SRRM3: variants seen among roughly 807,000 people sequenced by gnomAD.
SRRM3 encodes the protein serine/arginine repetitive matrix protein 3.
In SRRM3, 27 loss-of-function variants were observed where a neutral mutation model predicts 66.2. The observed-to-expected ratio is 0.41, with a 90% CI of 0.30 to 0.56. The LOEUF is 0.56. Among genes scored for constraint, SRRM3 ranks in the 20% least tolerant of loss-of-function variants. The probability of loss-of-function intolerance (pLI) is 0.32; values close to 1 mark genes in which losing one functional copy is unlikely to be tolerated. For synonymous variants in SRRM3, 391 were observed against 414.9 expected (o/e 0.94, Z 0.70); for missense variants, 918 against 991.9 (o/e 0.93, Z 1.00).
chr7:76,264,884 A>G, intron 9 of SRRM3, 69 bp downstream of exon 9: 1 of 1,498,886 alleles, frequency 6.7e-7, no homozygotes, highest in Non-Finnish European at 9.2e-7. Context: ...TACGCCTTTT[A>G]GAATCACAGA....
At chr7:76,281,397 T>C in intron 11 of SRRM3, 44 bp from the exon 12 acceptor site, 1 of 1,186,072 alleles carries the variant, frequency 8.4e-7, no homozygotes, top group Non-Finnish European at 1.1e-6. Flanking sequence ...CTCTCTCGTC[T>C]CCCTCTCCCC....
intron 1 of SRRM3, among the ~76,000 whole-genome samples, chr7:76,230,183 G>A (rs919401760): frequency 3.3e-5 from 5 of 152,132 alleles, no homozygotes; most frequent in Non-Finnish European, 7.3e-5. Flanking sequence ...AGTCAATAGT[G>A]AACATATTGG....
At chr7:76,237,691 C>T (rs1554605124) in intron 2 of SRRM3, among the ~76,000 whole-genome samples, 3 of 152,088 alleles carry the variant, frequency 2.0e-5, no homozygotes, top group African/African-American at 7.2e-5. Flanking sequence ...CAGGGACAGA[C>T]AAGGTGTTCC....
chr7:76,214,183 T>C (rs145982838), intron 1 of SRRM3, among the ~76,000 whole-genome samples: 19 of 152,230 alleles, frequency 1.2e-4, no homozygotes, highest in African/African-American at 4.6e-4. Flanking sequence ...CCTTTGAGCC[T>C]GGCCTGGGGC....
rs190164444 is a variant in SRRM3 at position 76,224,894 on chromosome 7, G to C, written c.-39-10134G>C. Among the ~76,000 whole-genome samples, 33 of 152,150 alleles carry C rather than the reference G, an allele frequency of 2.2e-4. 1 individual carries two copies. The highest frequency in any genetic ancestry group is 1.6e-3 in the Admixed American group (25 of 15,284). The stretch of plus-strand genomic sequence containing the variant: ...CCCGAGTAAAAAGCACACATCAAAG[G>C]CTCGTCTTGAGACCACATGAGTAAA... On this transcript the variant is annotated intron_variant, in intron 1 of 14. Coordinates refer to ENST00000611745, the MANE Select transcript of SRRM3 (RefSeq NM_001110199.3).
At chr7:76,234,562 G>A (rs1211717031) in intron 1 of SRRM3, among the ~76,000 whole-genome samples, 2 of 152,118 alleles carry the variant, frequency 1.3e-5, no homozygotes, top group African/African-American at 4.8e-5. Flanking sequence ...TGGGAGGTAG[G>A]AACACATGTA....
chr7:76,283,216 G>C, intron 14 of SRRM3, 115 bp downstream of exon 14: 1 of 1,125,016 alleles, frequency 8.9e-7, no homozygotes, highest in Non-Finnish European at 1.1e-6. Context: ...CTGGCACGGG[G>C]ATGGGGGGGG....
rs369917734 is a variant in SRRM3 at position 76,286,273 on chromosome 7, G to T, written c.*430G>T. 3.1e-5 allele frequency: 7 copies of T among 222,726 alleles called. No individual in the cohort carries two copies. In the South Asian group the frequency reaches 6.8e-4, roughly 22 times the overall value. The allele number at this position is 222,726 out of a possible 1,614,324, so 13.8% of individuals were successfully genotyped here. The stretch of plus-strand genomic sequence containing the variant: ...TGCCAGCCCTGGGAGCCCCTCTTCC[G>T]CACTACACAGCTCCCTCCACTCCTC... On this transcript the variant is annotated 3_prime_UTR_variant, in exon 15 of 15. Transcript: ENST00000611745.
intron 1 of SRRM3, among the ~76,000 whole-genome samples, chr7:76,220,020 G>C (rs1238447092): frequency 6.6e-6 from 1 of 152,220 alleles, no homozygotes; most frequent in Non-Finnish European, 1.5e-5. Flanking sequence ...GGCATAGTGA[G>C]AGCAGTGACC....
chr7:76,233,729 G>A (rs1481383896), intron 1 of SRRM3, among the ~76,000 whole-genome samples: 3 of 152,188 alleles, frequency 2.0e-5, no homozygotes, highest in African/African-American at 7.2e-5. Context: ...GAGAGGGGTA[G>A]TGACATCTTC....
chr7:76,263,823 A>C (rs994903273), intron 8 of SRRM3, among the ~76,000 whole-genome samples: 18 of 134,556 alleles, frequency 1.3e-4, no homozygotes, highest in Non-Finnish European at 2.5e-4. Flanking sequence ...CAGTGAGCTG[A>C]GATTGTGCCA....
At chr7:76,243,269 C>T (rs1287173346) in intron 2 of SRRM3, among the ~76,000 whole-genome samples, 2 of 152,142 alleles carry the variant, frequency 1.3e-5, no homozygotes, top group Non-Finnish European at 2.9e-5. Context: ...GACTGTTGGG[C>T]TCCTCTGTCT....
rs1801107434 is a variant in SRRM3 at position 76,235,088 on chromosome 7, G to C, written c.22G>C (p.Gly8Arg). The C allele has an allele frequency of 1.9e-6, 3 of 1,582,908 alleles. No individual in the cohort carries two copies. The highest frequency in any genetic ancestry group is 2.6e-6 in the Non-Finnish European group (3 of 1,169,448). The change falls in exon 2 of 15, where the codon GGG (glycine) becomes CGG (arginine). Residue 8 changes from glycine (G) to arginine (R), a missense_variant. Physicochemically the swap from Gly to Arg is moderately radical, Grantham distance 125 (BLOSUM62 -2). Transcript: ENST00000611745. MSSTVNNGAASMQSTPDA... is the reference protein window; with the variant it reads MSSTVNNRAASMQSTPDA... ...CACGATGTCCTCCACCGTGAACAAC[G>C]GGGCGGCCAGCATGCAGTCCACACC...
At chr7:76,277,730 A>G (rs369734278) in intron 11 of SRRM3, among the ~76,000 whole-genome samples, 42 of 148,602 alleles carry the variant, frequency 2.8e-4, no homozygotes, top group East Asian at 4.0e-4. Context: ...AAAAAAAAAA[A>G]AAAAAGAGAG....
rs577618498 is a variant in SRRM3, at chr7:76,223,521, C to T, written c.-39-11507C>T. 2.9e-4 allele frequency among the ~76,000 whole-genome samples: 44 copies of T among 152,296 alleles called. 1 individual carries two copies. The highest frequency in any genetic ancestry group is 2.2e-3 in the Admixed American group (34 of 15,292). On this transcript the variant is annotated intron_variant, in intron 1 of 14. Coordinates refer to ENST00000611745, the MANE Select transcript of SRRM3 (RefSeq NM_001110199.3). Reference sequence around the variant, plus strand: ...CAGCTTGATAAAGTATCTTGACAAACGATTGTTGCACACACTTATTTTTAA... The same window carrying T: ...CAGCTTGATAAAGTATCTTGACAAATGATTGTTGCACACACTTATTTTTAA...
intron 1 of SRRM3, among the ~76,000 whole-genome samples, chr7:76,221,928 G>A (rs1015417730): frequency 1.3e-5 from 2 of 152,166 alleles, no homozygotes; most frequent in Non-Finnish European, 2.9e-5. Flanking sequence ...CTGTACACAC[G>A]TTATTCCTTT....
intron 12 of SRRM3, 72 bp from the exon 13 acceptor site, chr7:76,282,576 A>AC: frequency 1.6e-4 from 17 of 103,792 alleles, no homozygotes; most frequent in South Asian, 2.3e-4. Context: ...GCCCCGCCCC[A>AC]GGGAACCCTC....
chr7:76,250,874 C>T (rs1345360442), intron 3 of SRRM3, among the ~76,000 whole-genome samples: 1 of 152,138 alleles, frequency 6.6e-6, no homozygotes, highest in East Asian at 1.9e-4. Context: ...GGAAAAAGCT[C>T]GAGACTGGAT....
chr7:76,283,711 G>A, intron 14 of SRRM3: 1 of 1,087,852 alleles, frequency 9.2e-7, no homozygotes, highest in Non-Finnish European at 1.2e-6. Context: ...TGGGGCAGCT[G>A]TCAGAGGAGC....
Sources: allele counts gnomAD v4.1 joint callset (sites outside exome capture counted in the v4.1 genomes callset), GRCh38; gene constraint gnomAD v4.1.1; transcripts MANE v1.5; gene names NCBI Gene and HGNC (gene_info 2026-07-23, HGNC 2026-07-21).